The following FAF1 variants were observed in gnomAD, a reference collection of about 807,000 sequenced individuals.
The protein encoded by FAF1 is Fas associated factor 1, also known as FAS-associated factor 1.
Under a neutral mutation model 92.5 loss-of-function variants are expected in FAF1, and 25 were observed. The observed-to-expected ratio is 0.27, with a 90% CI of 0.20 to 0.38. FAF1 has a LOEUF of 0.38. Ranked by LOEUF, FAF1 falls within the 10% of genes least tolerant of loss-of-function variation. The pLI is 1.00. For missense variants in FAF1, 636 were observed against 793.3 expected (o/e 0.80, Z 2.38); for synonymous variants, 234 against 273.2 (o/e 0.86, Z 1.42).
At chr1:50,758,505 TATA>T (rs1386594812) in intron 4 of FAF1, among the ~76,000 whole-genome samples, 2 of 152,256 alleles carry the variant, frequency 1.3e-5, no homozygotes, top group African/African-American at 4.8e-5. Context: ...AATACATTGC[TATA>T]ATTTCTACTT....
intron 8 of FAF1, among the ~76,000 whole-genome samples, chr1:50,634,634 A>G (rs1437953995): frequency 6.6e-6 from 1 of 152,200 alleles, no homozygotes; most frequent in Non-Finnish European, 1.5e-5. Context: ...TGTTTGTTTT[A>G]AAGAGCAGGG....
At chr1:50,497,640 C>A (rs571019740) in intron 15 of FAF1, among the ~76,000 whole-genome samples, 7 of 148,086 alleles carry the variant, frequency 4.7e-5, no homozygotes, top group Non-Finnish European at 7.5e-5. Flanking sequence ...CCTCCACCCC[C>A]CCAGGTTTAA....
intron 4 of FAF1, among the ~76,000 whole-genome samples, chr1:50,785,072 T>G (rs1234112652): frequency 7.3e-6 from 1 of 137,230 alleles, no homozygotes; most frequent in Non-Finnish European, 1.5e-5. Context: ...GACTTGAAAC[T>G]ATACGAGCAA....
At chr1:50,536,504 C>T (rs1490947780) in intron 14 of FAF1, among the ~76,000 whole-genome samples, 1 of 152,168 alleles carries the variant, frequency 6.6e-6, no homozygotes, top group African/African-American at 2.4e-5. Flanking sequence ...GCTTGACTAA[C>T]ATGATCTTTC....
intron 2 of FAF1, among the ~76,000 whole-genome samples, chr1:50,837,146 A>G (rs1644214884): frequency 6.6e-6 from 1 of 151,670 alleles, no homozygotes; most frequent in Non-Finnish European, 1.5e-5. Flanking sequence ...TTTAGTAAAG[A>G]TGGGTTTCAC....
At chr1:50,505,643 T>C (rs1647049850) in intron 15 of FAF1, among the ~76,000 whole-genome samples, 1 of 152,242 alleles carries the variant, frequency 6.6e-6, no homozygotes, top group East Asian at 1.9e-4. Flanking sequence ...AATAAAACTT[T>C]ATTGAAACAT....
At chr1:50,618,421 T>G (rs965432144) in intron 8 of FAF1, among the ~76,000 whole-genome samples, 3 of 146,178 alleles carry the variant, frequency 2.1e-5, no homozygotes, top group South Asian at 2.1e-4. Flanking sequence ...AGAGTTTTTT[T>G]TTTTTTTTTT....
chr1:50,625,088 C>T (rs774553003), intron 8 of FAF1, among the ~76,000 whole-genome samples: 14 of 151,740 alleles, frequency 9.2e-5, no homozygotes, highest in South Asian at 2.1e-4. Flanking sequence ...TTAATAAAGA[C>T]GGGGTTTCAC....
intron 6 of FAF1, among the ~76,000 whole-genome samples, chr1:50,730,563 A>G (rs1487988023): frequency 6.6e-6 from 1 of 152,242 alleles, no homozygotes; most frequent in African/African-American, 2.4e-5. Context: ...ATTATTTTCT[A>G]TCTTTCTTAT....
chr1:50,786,748 T>C (rs1261706322), intron 4 of FAF1, among the ~76,000 whole-genome samples: 2 of 152,184 alleles, frequency 1.3e-5, no homozygotes, highest in Non-Finnish European at 1.5e-5. Context: ...CATTATGGCA[T>C]AGGCATAGTG....
chr1:50,600,745 G>A (rs1272669452), intron 8 of FAF1, among the ~76,000 whole-genome samples: 2 of 152,060 alleles, frequency 1.3e-5, no homozygotes, highest in African/African-American at 4.8e-5. Flanking sequence ...AGGAAGACAC[G>A]AAAATCCAGT....
rs9804090 is a variant in FAF1, at chr1:50,924,938, G to A, written c.45+34829C>T. 2.2e-3 allele frequency among the ~76,000 whole-genome samples: 341 copies of A among 152,282 alleles called. 3 individuals are homozygous for A. The highest frequency in any genetic ancestry group is 7.7e-3 in the African/African-American group (320 of 41,556). On this transcript the variant is annotated intron_variant, in intron 1 of 18. Coordinates refer to ENST00000396153, the MANE Select transcript of FAF1 (RefSeq NM_007051.3). Reference sequence around the variant, plus strand: ...GCGGAGGCTGCAGTGAGCTGAGATCGTGCCATTGCACTCCAGCCTGGGTGA... The same window carrying A: ...GCGGAGGCTGCAGTGAGCTGAGATCATGCCATTGCACTCCAGCCTGGGTGA...
chr1:50,455,883 G>GCCAA (rs1397492404), intron 18 of FAF1, among the ~76,000 whole-genome samples: 1 of 151,946 alleles, frequency 6.6e-6, no homozygotes, highest in Non-Finnish European at 1.5e-5. Context: ...GACCAGCCAG[G>GCCAA]CCAACATGGT....
chr1:50,458,807 C>T (rs979238669), intron 18 of FAF1, among the ~76,000 whole-genome samples: 8 of 152,180 alleles, frequency 5.3e-5, no homozygotes, highest in African/African-American at 1.7e-4. Flanking sequence ...TTCATTTTTA[C>T]AACAGCTCTA....
At chr1:50,785,431 T>C (rs189138398) in intron 4 of FAF1, among the ~76,000 whole-genome samples, 27 of 152,008 alleles carry the variant, frequency 1.8e-4, no homozygotes, top group Admixed American at 9.8e-4. Context: ...AACTCAACAA[T>C]AAAATATCAA....
intron 6 of FAF1, among the ~76,000 whole-genome samples, chr1:50,711,401 A>C (rs957644948): frequency 6.6e-6 from 1 of 151,948 alleles, no homozygotes; most frequent in Non-Finnish European, 1.5e-5. Context: ...TTCATACAGA[A>C]TAAAACCTTG....
chr1:50,556,306 T>C (rs1218290612), intron 13 of FAF1, among the ~76,000 whole-genome samples: 3 of 150,900 alleles, frequency 2.0e-5, no homozygotes, highest in Non-Finnish European at 4.4e-5. Flanking sequence ...GAGGTCATCA[T>C]GTTCTCACTT....
intron 8 of FAF1, among the ~76,000 whole-genome samples, chr1:50,607,510 A>C (rs1404107496): frequency 6.6e-6 from 1 of 150,752 alleles, no homozygotes; most frequent in Admixed American, 6.6e-5. Context: ...TCTTTGCTCA[A>C]TGATCCAAAA....
intron 18 of FAF1, among the ~76,000 whole-genome samples, chr1:50,459,372 C>T (rs1260433508): frequency 1.3e-5 from 2 of 152,152 alleles, no homozygotes; most frequent in Non-Finnish European, 2.9e-5. Context: ...GGTGTTGAGC[C>T]ATCCTCACAG....
Sources: gnomAD v4.1 joint callset for allele counts (sites outside exome capture counted in the v4.1 genomes callset) on GRCh38, gnomAD v4.1.1 for gene constraint, MANE v1.5 for transcripts, NCBI Gene and HGNC (gene_info 2026-07-23, HGNC 2026-07-21) for gene names.